CDKAL1: variants seen among roughly 807,000 people sequenced by gnomAD.
The protein encoded by CDKAL1 is CDKAL1 threonylcarbamoyladenosine tRNA methylthiotransferase, also known as threonylcarbamoyladenosine tRNA methylthiotransferase.
In CDKAL1, 32 loss-of-function variants were observed where a neutral mutation model predicts 68.2. That is an observed-to-expected ratio of 0.47 (90% CI 0.35 to 0.63). CDKAL1 has a LOEUF of 0.63. Ranked by LOEUF, CDKAL1 falls within the 30% of genes least tolerant of loss-of-function variation. The pLI is 0.00. For missense variants in CDKAL1, 606 were observed against 696.7 expected (o/e 0.87, Z 1.47); for synonymous variants, 234 against 244.3 (o/e 0.96, Z 0.39).
At chr6:20,826,346 T>G (rs1024872128) in intron 8 of CDKAL1, among the ~76,000 whole-genome samples, 3 of 152,320 alleles carry the variant, frequency 2.0e-5, no homozygotes, top group Non-Finnish European at 4.4e-5. Context: ...CCTCTGATTT[T>G]TAAAGCATCT....
At chr6:20,535,668 C>T (rs1474291425) in intron 2 of CDKAL1, among the ~76,000 whole-genome samples, 2 of 152,104 alleles carry the variant, frequency 1.3e-5, no homozygotes, top group Non-Finnish European at 2.9e-5. Flanking sequence ...CTGGTGGCTG[C>T]TTCTTGGAAT....
chr6:20,794,757 G>A (rs1776041912), intron 8 of CDKAL1, among the ~76,000 whole-genome samples: 1 of 152,056 alleles, frequency 6.6e-6, no homozygotes, highest in South Asian at 2.1e-4. Flanking sequence ...AGGAGAATAA[G>A]GTTCATGACA....
At chr6:21,065,549 T>C (rs565728661) in intron 12 of CDKAL1, among the ~76,000 whole-genome samples, 26 of 152,190 alleles carry the variant, frequency 1.7e-4, no homozygotes, top group African/African-American at 6.0e-4. Flanking sequence ...TATTTAAATA[T>C]TTGTGTATAA....
intron 8 of CDKAL1, among the ~76,000 whole-genome samples, chr6:20,789,226 A>T (rs1033185852): frequency 6.6e-6 from 1 of 152,220 alleles, no homozygotes; most frequent in African/African-American, 2.4e-5. Context: ...TATGTCTTCA[A>T]CGGAATCCCA....
intron 5 of CDKAL1, among the ~76,000 whole-genome samples, chr6:20,679,160 T>G (rs534468550): frequency 6.6e-6 from 1 of 152,334 alleles, no homozygotes; most frequent in South Asian, 2.1e-4. Context: ...GCAACCCTCC[T>G]CCTGCCCTGG....
At chr6:20,911,086 G>A (rs149325341) in intron 9 of CDKAL1, among the ~76,000 whole-genome samples, 194 of 152,340 alleles carry the variant, frequency 1.3e-3, no homozygotes, top group African/African-American at 4.2e-3. Context: ...ACTAATGCAT[G>A]TAATGCAAAC....
chr6:20,901,503 T>A (rs1036100980), intron 9 of CDKAL1, among the ~76,000 whole-genome samples: 1 of 150,478 alleles, frequency 6.6e-6, no homozygotes, highest in African/African-American at 2.4e-5. Flanking sequence ...TGAAACCCTG[T>A]CTCTACTAAA....
At chr6:20,981,380 T>C (rs569612661) in intron 10 of CDKAL1, among the ~76,000 whole-genome samples, 1 of 152,228 alleles carries the variant, frequency 6.6e-6, no homozygotes, top group Non-Finnish European at 1.5e-5. Context: ...ACTTGGTATA[T>C]GTTATTTCAT....
intron 12 of CDKAL1, among the ~76,000 whole-genome samples, chr6:21,091,432 A>C (rs932564316): frequency 6.6e-6 from 1 of 152,200 alleles, no homozygotes; most frequent in African/African-American, 2.4e-5. Flanking sequence ...TTTGAAAGGG[A>C]GAATGAAGTA....
intron 9 of CDKAL1, among the ~76,000 whole-genome samples, chr6:20,914,748 T>C (rs1029716319): frequency 6.6e-6 from 1 of 152,246 alleles, no homozygotes; most frequent in Non-Finnish European, 1.5e-5. Context: ...CAGTTTTCTA[T>C]AGCTGCACAT....
intron 6 of CDKAL1, among the ~76,000 whole-genome samples, chr6:20,743,919 A>G (rs562199082): frequency 6.6e-6 from 1 of 152,350 alleles, no homozygotes; most frequent in East Asian, 1.9e-4. Context: ...TCTTTTTCAC[A>G]AGATATGAAA....
intron 4 of CDKAL1, among the ~76,000 whole-genome samples, chr6:20,585,391 C>A (rs1765309823): frequency 6.6e-6 from 1 of 152,162 alleles, no homozygotes; most frequent in South Asian, 2.1e-4. Context: ...TACTCTCCAA[C>A]TTCCTGATAC....
chr6:20,817,625 T>A (rs1777100250), intron 8 of CDKAL1, among the ~76,000 whole-genome samples: 1 of 152,208 alleles, frequency 6.6e-6, no homozygotes, highest in African/African-American at 2.4e-5. Flanking sequence ...GTTTTTATGC[T>A]ACTCATTTTT....
At chr6:20,606,026 G>A (rs1203945721) in intron 4 of CDKAL1, among the ~76,000 whole-genome samples, 25 of 152,114 alleles carry the variant, frequency 1.6e-4, no homozygotes, top group Admixed American at 1.6e-3. Flanking sequence ...GCCAAGTCTG[G>A]AAACTGACAA....
At chr6:20,565,737 A>C (rs1244085253) in intron 4 of CDKAL1, among the ~76,000 whole-genome samples, 1 of 152,124 alleles carries the variant, frequency 6.6e-6, no homozygotes, top group African/African-American at 2.4e-5. Flanking sequence ...TCTGTGAGCT[A>C]TGAGTAGCAT....
chr6:20,664,671 T>C (rs749740188), intron 5 of CDKAL1, among the ~76,000 whole-genome samples: 3 of 152,202 alleles, frequency 2.0e-5, no homozygotes, highest in Non-Finnish European at 4.4e-5. Context: ...ATGTCATTGA[T>C]CAAGTAAATT....
chr6:20,844,917 T>C (rs1778320827), intron 8 of CDKAL1, among the ~76,000 whole-genome samples: 1 of 152,224 alleles, frequency 6.6e-6, no homozygotes, highest in Non-Finnish European at 1.5e-5. Context: ...TTTGTGTTTA[T>C]TTTAAAAATG....
chr6:20,558,351 T>C (rs965884814), intron 4 of CDKAL1, among the ~76,000 whole-genome samples: 1 of 152,212 alleles, frequency 6.6e-6, no homozygotes, highest in Admixed American at 6.5e-5. Context: ...CTACCTTTTA[T>C]CTGCCCAGAC....
intron 4 of CDKAL1, among the ~76,000 whole-genome samples, chr6:20,610,488 CG>C (rs1766570646): frequency 7.1e-6 from 1 of 140,368 alleles, no homozygotes; most frequent in Admixed American, 7.2e-5. Flanking sequence ...GTGTGGAAAA[CG>C]TTTTTTTTTC....
Sources: allele counts gnomAD v4.1 joint callset (sites outside exome capture counted in the v4.1 genomes callset), GRCh38; gene constraint gnomAD v4.1.1; transcripts MANE v1.5; gene names NCBI Gene and HGNC (gene_info 2026-07-23, HGNC 2026-07-21).